SATB1: variants seen among roughly 807,000 people sequenced by gnomAD.
SATB1 encodes SATB homeobox 1.
SATB1 carries 11 observed loss-of-function variants against 86.9 expected under a neutral mutation model. The observed-to-expected ratio is 0.13, with a 90% CI of 0.08 to 0.21. The LOEUF is 0.21. Ranked by LOEUF, SATB1 falls within the 10% of genes least tolerant of loss-of-function variation. The probability of loss-of-function intolerance (pLI) is 1.00; values close to 1 mark genes in which losing one functional copy is unlikely to be tolerated. For missense variants in SATB1, 551 were observed against 937.6 expected, an observed-to-expected ratio of 0.59 and a Z score of 5.39; for synonymous variants, 357 against 357.2, an observed-to-expected ratio of 1.00 and a Z score of 0.01.
intron 2 of SATB1, 67 bp downstream of exon 2, chr3:18,420,690 A>G (rs1037795733): frequency 7.6e-7 from 1 of 1,309,386 alleles, no homozygotes; most frequent in Non-Finnish European, 1.1e-6. Context: ...CTCCACCCCC[A>G]CACAGTGTGG....
At chr3:18,379,688 T>C (rs1270554443) in intron 8 of SATB1, among the ~76,000 whole-genome samples, 1 of 152,216 alleles carries the variant, frequency 6.6e-6, no homozygotes, top group East Asian at 1.9e-4. Context: ...TGAATCCTAA[T>C]TTCTAGCCAA....
chr3:18,387,253 G>A (rs1444938338), intron 7 of SATB1, among the ~76,000 whole-genome samples: 2 of 152,120 alleles, frequency 1.3e-5, no homozygotes, highest in African/African-American at 4.8e-5. Flanking sequence ...ATACTATCTT[G>A]CTGTATTATA....
chr3:18,395,770 C>G (rs1315333648), intron 6 of SATB1, among the ~76,000 whole-genome samples: 4 of 152,154 alleles, frequency 2.6e-5, no homozygotes, highest in Non-Finnish European at 4.4e-5. Flanking sequence ...TCCCACCTAC[C>G]CAGGATGAAT....
chr3:18,405,098 G>A (rs1697455452), intron 5 of SATB1, among the ~76,000 whole-genome samples: 1 of 151,808 alleles, frequency 6.6e-6, no homozygotes, highest in Non-Finnish European at 1.5e-5. Context: ...GACCCCATTG[G>A]CATCCTGCTT....
chr3:18,372,152 C>T (rs1033518029), intron 9 of SATB1, among the ~76,000 whole-genome samples: 2 of 152,214 alleles, frequency 1.3e-5, no homozygotes, highest in Non-Finnish European at 1.5e-5. Context: ...TGCTTCAGAA[C>T]ATATATGCTG....
At chr3:18,432,965 T>C (rs1698937285) in intron 2 of SATB1, among the ~76,000 whole-genome samples, 1 of 152,140 alleles carries the variant, frequency 6.6e-6, no homozygotes. Context: ...TGTCCTTACC[T>C]GCTAACAGCT....
At chr3:18,433,295 A>G (rs1429114319) in intron 2 of SATB1, among the ~76,000 whole-genome samples, 1 of 152,210 alleles carries the variant, frequency 6.6e-6, no homozygotes, top group Non-Finnish European at 1.5e-5. Context: ...TATATGCAGA[A>G]CAGCTGCAAT....
At chr3:18,400,842 T>C (rs1697226546) in intron 5 of SATB1, among the ~76,000 whole-genome samples, 2 of 152,194 alleles carry the variant, frequency 1.3e-5, no homozygotes, top group Non-Finnish European at 2.9e-5. Context: ...TGAAGTATAC[T>C]GATTAAATTA....
intron 2 of SATB1, among the ~76,000 whole-genome samples, chr3:18,418,471 C>T (rs1349328007): frequency 1.3e-5 from 2 of 152,102 alleles, no homozygotes; most frequent in Admixed American, 6.6e-5. Context: ...CAAACTCATT[C>T]GGAGGTACCA....
At chr3:18,437,082 A>C (rs1699088682) in intron 1 of SATB1, among the ~76,000 whole-genome samples, 1 of 152,208 alleles carries the variant, frequency 6.6e-6, no homozygotes, top group Non-Finnish European at 1.5e-5. Context: ...ATGTATGTAG[A>C]ATATTAGGTT....
At chr3:18,427,750 A>C (rs1050612064), upstream of SATB1, among the ~76,000 whole-genome samples, 3 of 152,242 alleles carry the variant, frequency 2.0e-5, no homozygotes, top group Non-Finnish European at 4.4e-5. Flanking sequence ...GTATGTAATA[A>C]GGACTGACAT....
At position 18,444,578 on chromosome 3, in the gene SATB1, GA is replaced by G; in HGVS notation, c.-25+939del. On this transcript the variant is annotated intron_variant, in intron 1 of 3. Transcript: ENST00000415069. The surrounding 1 kb of genome is among the most constrained non-coding windows in gnomAD (Gnocchi z 5.1). Reference sequence around the variant, plus strand: ...GATAAAACAGCAAGAGTAGCAAGGGGAAAAGGGAGGCAAAAGAGCAGAACTC... The same window carrying G: ...GATAAAACAGCAAGAGTAGCAAGGGGAAAGGGAGGCAAAAGAGCAGAACTC... The G allele has an allele frequency of 2.0e-6, 2 of 985,668 alleles. No homozygotes were observed. The highest frequency in any genetic ancestry group is 2.4e-6 in the Non-Finnish European group (2 of 830,242). The allele number at this position is 985,668 out of a possible 1,614,324, so 61.1% of individuals were successfully genotyped here. A position where few individuals can be genotyped will look rare whatever the true frequency, so the allele number is the denominator to read the frequency against.
At chr3:18,436,048 C>G (rs1324150718) in intron 2 of SATB1, among the ~76,000 whole-genome samples, 1 of 152,074 alleles carries the variant, frequency 6.6e-6, no homozygotes, top group African/African-American at 2.4e-5. Context: ...CATAGAATGC[C>G]TAGAACTTTT....
chr3:18,349,827 C>A lies in SATB1; in HGVS notation c.1780-145G>T. On this transcript the variant is annotated intron_variant, in intron 10 of 10. Transcript: ENST00000338745. This position sits in a 1 kb window ranked among gnomAD's most constrained non-coding sequence, Gnocchi z 5.5. Reference sequence around the variant, plus strand: ...GATTTAGAAAGAAAAGGTAGGCCGGCGAAATGGCCGACAGCATTTACAAAA... The same window carrying A: ...GATTTAGAAAGAAAAGGTAGGCCGGAGAAATGGCCGACAGCATTTACAAAA... 1 of 1,356,930 alleles carries A rather than the reference C, an allele frequency of 7.4e-7. No homozygotes were observed. Among genetic ancestry groups the A allele is most frequent in the South Asian group, 1.6e-5 (1 of 61,334 alleles). The allele number at this position is 1,356,930 out of a possible 1,614,324, so 84.1% of individuals were successfully genotyped here.
At chr3:18,395,694 C>T (rs1444612443) in intron 6 of SATB1, among the ~76,000 whole-genome samples, 1 of 152,196 alleles carries the variant, frequency 6.6e-6, no homozygotes, top group Non-Finnish European at 1.5e-5. Flanking sequence ...TCACCAGATG[C>T]TAAAGACAAT....
Position 18,444,049 on chromosome 3 carries a change from C to A in SATB1, c.-25+1469G>T, listed in dbSNP as rs1399831948. Among the ~76,000 whole-genome samples, 1 of 152,144 alleles carries A rather than the reference C, an allele frequency of 6.6e-6. No homozygotes were observed. Among genetic ancestry groups the A allele is most frequent in the Non-Finnish European group, 1.5e-5 (1 of 68,042 alleles). ...CCAGGCCCCTCTTCGCCGATGCTTA[C>A]AATCAGCCGCGCAGGCAGGGAGCGG... is the stretch of plus-strand genomic sequence containing the variant. On this transcript the variant is annotated intron_variant, in intron 1 of 3. Transcript: ENST00000415069. This position sits in a 1 kb window ranked among gnomAD's most constrained non-coding sequence, Gnocchi z 5.1.
chr3:18,408,999 A>T (rs1575154665), intron 5 of SATB1: 1 of 152,116 alleles, frequency 6.6e-6, no homozygotes, highest in East Asian at 1.9e-4. Context: ...AAGAAAGAGG[A>T]AAAATACTCT....
Position 18,348,957 on chromosome 3 carries a change from C to A in SATB1, c.*213G>T. 1 of 719,414 alleles carries A rather than the reference C, an allele frequency of 1.4e-6. No individual in the cohort carries two copies. Among genetic ancestry groups the A allele is most frequent in the Non-Finnish European group, 2.2e-6 (1 of 458,512 alleles). 44.6% of individuals were successfully genotyped at this position (719,414 alleles called of 1,614,324 possible). A position where few individuals can be genotyped will look rare whatever the true frequency, so the allele number is the denominator to read the frequency against. Reference sequence around the variant, plus strand: ...TTTTAATACCAAACAATCCTTGATGCTTCACCTGGGGCTGCCAAGCAGTTT... The same window carrying A: ...TTTTAATACCAAACAATCCTTGATGATTCACCTGGGGCTGCCAAGCAGTTT... On this transcript the variant is annotated 3_prime_UTR_variant, in exon 11 of 11. Transcript: ENST00000338745.
chr3:18,439,309 C>A (rs957383393), upstream of SATB1, among the ~76,000 whole-genome samples: 1 of 152,068 alleles, frequency 6.6e-6, no homozygotes, highest in Admixed American at 6.6e-5. Context: ...AAAAGTGATA[C>A]AAAATAACTT....
Sources: gnomAD v4.1 joint callset for allele counts (sites outside exome capture counted in the v4.1 genomes callset) on GRCh38, gnomAD v4.1.1 for gene constraint, Gnocchi (gnomAD v3.1) non-coding constraint, MANE v1.5 for transcripts, NCBI Gene and HGNC (gene_info 2026-07-23, HGNC 2026-07-21) for gene names.